NOCT: variants seen among roughly 807,000 people sequenced by gnomAD.
The protein encoded by NOCT is nocturnin, also known as CCR4 carbon catabolite repression 4-like.
A neutral mutation model predicts 35.0 loss-of-function variants in NOCT; 18 were observed. The observed-to-expected ratio is 0.51, with a 90% CI of 0.36 to 0.76. NOCT has a LOEUF of 0.76. NOCT is among the 30% of genes least tolerant of loss of function. The pLI, the probability that NOCT is intolerant of heterozygous loss-of-function variation, is 0.01. For missense variants in NOCT, 479 were observed against 541.0 expected, an observed-to-expected ratio of 0.89 and a Z score of 1.14; for synonymous variants, 235 against 226.3, an observed-to-expected ratio of 1.04 and a Z score of -0.34.
intron 1 of NOCT, among the ~76,000 whole-genome samples, chr4:139,024,045 C>CTTTTTTTTTTTTT (rs368349308): frequency 7.6e-6 from 1 of 130,978 alleles, no homozygotes. Flanking sequence ...TCTATTCATC[C>CTTTTTTTTTTTTT]TTTTTTTTTT....
intron 1 of NOCT, among the ~76,000 whole-genome samples, chr4:139,017,557 G>C (rs564358067): frequency 1.0e-3 from 156 of 150,530 alleles, no homozygotes; most frequent in African/African-American, 2.7e-3. Flanking sequence ...TAGGCCGGGC[G>C]CGGTGGCTCA....
intron 1 of NOCT, among the ~76,000 whole-genome samples, chr4:139,017,225 CTT>C (rs547505786): frequency 5.7e-5 from 7 of 122,830 alleles, no homozygotes; most frequent in Admixed American, 9.0e-5. Context: ...CAATACATAA[CTT>C]TTTTTTTTTT....
At chr4:139,022,345 G>A (rs941264983) in intron 1 of NOCT, among the ~76,000 whole-genome samples, 1 of 152,148 alleles carries the variant, frequency 6.6e-6, no homozygotes. Flanking sequence ...TACTTAGCAA[G>A]AATTCAGTGT....
At chr4:139,031,431 G>A (rs1726622374) in intron 1 of NOCT, among the ~76,000 whole-genome samples, 1 of 152,090 alleles carries the variant, frequency 6.6e-6, no homozygotes, top group South Asian at 2.1e-4. Context: ...TTACAGGTGT[G>A]AGCCACCACG....
chr4:139,026,376 C>CA (rs2148643419), intron 1 of NOCT, among the ~76,000 whole-genome samples: 1 of 152,220 alleles, frequency 6.6e-6, no homozygotes, highest in Non-Finnish European at 1.5e-5. Flanking sequence ...GCTGGGATTA[C>CA]AGGCATGAGC....
chr4:139,032,691 T>C (rs897269106), intron 1 of NOCT, among the ~76,000 whole-genome samples: 1 of 152,178 alleles, frequency 6.6e-6, no homozygotes, highest in African/African-American at 2.4e-5. Context: ...AGTATCTTAA[T>C]TGCCACATGG....
chr4:139,019,922 C>CT (rs1726378680), intron 1 of NOCT, among the ~76,000 whole-genome samples: 1 of 152,238 alleles, frequency 6.6e-6, no homozygotes, highest in Non-Finnish European at 1.5e-5. Flanking sequence ...AGAACATTTG[C>CT]TTTTTTTCAT....
chr4:139,045,534 T>TG lies in NOCT; in HGVS notation c.*61dup. 1.0e-6 allele frequency: 1 copy of TG among 974,656 alleles called. No individual in the cohort carries two copies. 60.4% of individuals were successfully genotyped at this position (974,656 alleles called of 1,614,324 possible). ...ATTTTTTTTTTTTTTTTTTTTTTTT[T>TG]GAGACAGAGTCTCGCTCTGTTGCCT... On this transcript the variant is annotated 3_prime_UTR_variant, in exon 3 of 3. Transcript: ENST00000280614.
At chr4:139,025,618 T>C (rs1726498344) in intron 1 of NOCT, among the ~76,000 whole-genome samples, 2 of 152,072 alleles carry the variant, frequency 1.3e-5, no homozygotes, top group South Asian at 4.1e-4. Context: ...CTGGCCAGCA[T>C]AGTGAAACCC....
chr4:139,023,759 A>G (rs951693798), intron 1 of NOCT, among the ~76,000 whole-genome samples: 2 of 152,116 alleles, frequency 1.3e-5, no homozygotes, highest in Non-Finnish European at 2.9e-5. Context: ...CGGCCTCTCA[A>G]AGTGCTGGGA....
At chr4:139,032,512 TAAAA>T (rs1266937131) in intron 1 of NOCT, among the ~76,000 whole-genome samples, 1 of 151,938 alleles carries the variant, frequency 6.6e-6, no homozygotes, top group Non-Finnish European at 1.5e-5. Flanking sequence ...AAAAATTTAA[TAAAA>T]AAATAAAATG....
intron 1 of NOCT, among the ~76,000 whole-genome samples, chr4:139,029,458 T>C (rs1228207111): frequency 6.6e-6 from 1 of 152,210 alleles, no homozygotes; most frequent in East Asian, 1.9e-4. Context: ...TGGAGAGAGC[T>C]GAGGCTTTAG....
rs146007407 is a variant in NOCT, at chr4:139,019,084, C to T, written c.190+2913C>T. Among the ~76,000 whole-genome samples the T allele has an allele frequency of 1.9e-3, 291 of 152,278 alleles. 2 individuals are homozygous for T. The highest frequency in any genetic ancestry group is 3.3e-3 in the Non-Finnish European group (224 of 68,032). The stretch of plus-strand genomic sequence containing the variant: ...TTTATTTTTTTTGAGACAAGGTTCT[C>T]TCGCACTGTTGCCCAGGATGGAGTG... On this transcript the variant is annotated intron_variant, in intron 1 of 2. Coordinates refer to ENST00000280614, the MANE Select transcript of NOCT (RefSeq NM_012118.4).
intron 1 of NOCT, among the ~76,000 whole-genome samples, chr4:139,031,873 C>T (rs528132027): frequency 1.9e-4 from 29 of 152,020 alleles, no homozygotes; most frequent in Non-Finnish European, 3.5e-4. Flanking sequence ...CCACCACGCC[C>T]GGCTAATTTT....
chr4:139,040,085 G>A (rs1318359490), intron 1 of NOCT, among the ~76,000 whole-genome samples: 2 of 146,242 alleles, frequency 1.4e-5, no homozygotes, highest in African/African-American at 5.1e-5. Context: ...CTGTCGCCCA[G>A]GCTGGAGTGC....
At chr4:139,040,801 A>G (rs533575761) in intron 1 of NOCT, among the ~76,000 whole-genome samples, 3 of 152,228 alleles carry the variant, frequency 2.0e-5, no homozygotes, top group East Asian at 1.9e-4. Flanking sequence ...TTAGCTCACA[A>G]TTTGGGGATC....
chr4:139,026,862 C>CTTTTTTTTTTTTTT (rs1165378672), intron 1 of NOCT, among the ~76,000 whole-genome samples: 3 of 120,246 alleles, frequency 2.5e-5, no homozygotes, highest in African/African-American at 7.0e-5. Context: ...TTTTTTTTTT[C>CTTTTTTTTTTTTTT]TTTTTTTTTT....
At chr4:139,030,881 G>A (rs914638989) in intron 1 of NOCT, among the ~76,000 whole-genome samples, 3 of 152,186 alleles carry the variant, frequency 2.0e-5, no homozygotes, top group Non-Finnish European at 2.9e-5. Flanking sequence ...CTTAGTTTTT[G>A]TGTGTTGTGT....
intron 1 of NOCT, among the ~76,000 whole-genome samples, chr4:139,029,376 G>T (rs748586813): frequency 5.3e-5 from 8 of 152,234 alleles, no homozygotes; most frequent in Admixed American, 2.6e-4. Flanking sequence ...CCAGGATTTG[G>T]ATTCAGGCAG....
Sources: allele counts gnomAD v4.1 joint callset (sites outside exome capture counted in the v4.1 genomes callset), GRCh38; gene constraint gnomAD v4.1.1; transcripts MANE v1.5; gene names NCBI Gene and HGNC (gene_info 2026-07-23, HGNC 2026-07-21).